Variants in REEP3 observed in about 807,000 individuals in gnomAD.
REEP3 encodes the protein receptor accessory protein 3.
REEP3 carries 20 observed loss-of-function variants against 41.3 expected under a neutral mutation model. That is an observed-to-expected ratio of 0.48 (90% confidence interval 0.34 to 0.70). REEP3 has a LOEUF of 0.70. Ranked by LOEUF, REEP3 falls within the 30% of genes least tolerant of loss-of-function variation. REEP3 has a pLI of 0.01. For missense variants in REEP3, 271 were observed against 308.8 expected, an observed-to-expected ratio of 0.88 and a Z score of 0.92; for synonymous variants, 104 against 101.8, an observed-to-expected ratio of 1.02 and a Z score of -0.13.
chr10:63,536,007 A>C (rs907438531), intron 1 of REEP3, among the ~76,000 whole-genome samples: 1 of 152,230 alleles, frequency 6.6e-6, no homozygotes. Context: ...CCTACCATGT[A>C]TCTGATGCTC....
intron 1 of REEP3, among the ~76,000 whole-genome samples, chr10:63,524,921 A>G (rs1006228325): frequency 6.6e-6 from 1 of 152,000 alleles, no homozygotes; most frequent in Non-Finnish European, 1.5e-5. Flanking sequence ...CTGAGGCACT[A>G]GAATCACTTG....
At chr10:63,548,696 A>C (rs1336188309) in intron 1 of REEP3, among the ~76,000 whole-genome samples, 4 of 152,200 alleles carry the variant, frequency 2.6e-5, no homozygotes, top group African/African-American at 4.8e-5. Flanking sequence ...CAAAATGAAC[A>C]AAAATGTAAC....
chr10:63,541,395 T>C (rs1033666974), intron 1 of REEP3, among the ~76,000 whole-genome samples: 14 of 152,216 alleles, frequency 9.2e-5, no homozygotes, highest in East Asian at 3.8e-4. Context: ...AGATTTTCCA[T>C]AGAACCCTAG....
intron 7 of REEP3, 147 bp from the exon 8 acceptor site, chr10:63,620,666 T>C: frequency 4.1e-6 from 2 of 485,742 alleles, no homozygotes; most frequent in South Asian, 3.7e-5. Context: ...AGTTTATAAG[T>C]AGTGCTGTCT....
At chr10:63,569,534 A>G (rs1387962206) in intron 2 of REEP3, among the ~76,000 whole-genome samples, 2 of 152,100 alleles carry the variant, frequency 1.3e-5, no homozygotes, top group East Asian at 1.9e-4. Flanking sequence ...TTAGATGAGA[A>G]GCTCTAATAA....
chr10:63,521,989 G>C (rs1348606147), intron 1 of REEP3: 2 of 151,856 alleles, frequency 1.3e-5, no homozygotes, highest in African/African-American at 4.8e-5. Flanking sequence ...TCCCTGCGCA[G>C]GCTCCGCAGA....
intron 1 of REEP3, among the ~76,000 whole-genome samples, chr10:63,524,050 A>G (rs1044120752): frequency 2.6e-5 from 4 of 152,200 alleles, no homozygotes; most frequent in Non-Finnish European, 1.5e-5. Flanking sequence ...AGAAAATGTC[A>G]TGAAAAGAAA....
intron 2 of REEP3, among the ~76,000 whole-genome samples, chr10:63,575,963 C>T (rs936754510): frequency 2.0e-5 from 3 of 152,292 alleles, no homozygotes; most frequent in African/African-American, 4.8e-5. Context: ...GAACTACCGA[C>T]CTCAGGTGAT....
At chr10:63,554,193 G>A (rs1325431537) in intron 1 of REEP3, among the ~76,000 whole-genome samples, 2 of 151,982 alleles carry the variant, frequency 1.3e-5, no homozygotes, top group African/African-American at 4.8e-5. Flanking sequence ...TACACATCCT[G>A]TGCTTAAGGG....
At chr10:63,573,650 T>C (rs772818557) in intron 2 of REEP3, among the ~76,000 whole-genome samples, 1 of 152,216 alleles carries the variant, frequency 6.6e-6, no homozygotes, top group African/African-American at 2.4e-5. Context: ...AATTTTCGAC[T>C]GACTATTTAG....
At chr10:63,571,841 T>C (rs1030022384) in intron 2 of REEP3, among the ~76,000 whole-genome samples, 1 of 152,156 alleles carries the variant, frequency 6.6e-6, no homozygotes, top group African/African-American at 2.4e-5. Flanking sequence ...GTCACATGGA[T>C]TGTAAAGACA....
rs1956296980 is a variant in REEP3, at chr10:63,614,272, T to C, written c.565+3938T>C. ...TGCTCTGTGTTGGGAACTGTTTCAG[T>C]TATCTAGTTATCTATTGCTGCATAA... On this transcript the variant is annotated intron_variant, in intron 6 of 7. Coordinates refer to ENST00000373758, the MANE Select transcript of REEP3 (RefSeq NM_001001330.3). 3.3e-5 allele frequency among the ~76,000 whole-genome samples: 5 copies of C among 152,314 alleles called. No individual in the cohort carries two copies. In the South Asian group the frequency reaches 1.0e-3, roughly 32 times the overall value.
At chr10:63,538,605 G>A (rs1189802402) in intron 1 of REEP3, among the ~76,000 whole-genome samples, 1 of 152,058 alleles carries the variant, frequency 6.6e-6, no homozygotes, top group Non-Finnish European at 1.5e-5. Context: ...GTGGTGGCAC[G>A]TGCCTGTAAT....
At chr10:63,533,738 C>T (rs7899862) in intron 1 of REEP3, among the ~76,000 whole-genome samples, 134,819 of 136,934 alleles carry the variant, frequency 0.98, 66,406 homozygotes, top group Middle Eastern at 1. Context: ...GACGGAGTCT[C>T]GCTCTGTCTC....
chr10:63,596,931 C>T (rs1214041235), intron 3 of REEP3, among the ~76,000 whole-genome samples: 1 of 152,182 alleles, frequency 6.6e-6, no homozygotes, highest in East Asian at 1.9e-4. Flanking sequence ...GCGTGAGCAC[C>T]TCACCTGGCA....
chr10:63,554,129 A>G (rs1327127760), intron 1 of REEP3, among the ~76,000 whole-genome samples: 1 of 152,044 alleles, frequency 6.6e-6, no homozygotes, highest in East Asian at 1.9e-4. Flanking sequence ...TTAGATTGCA[A>G]TTGAACTTTC....
rs1589863143 is a variant in REEP3 at position 63,550,098 on chromosome 10, T to C, written c.33-16240T>C. 2.0e-5 allele frequency among the ~76,000 whole-genome samples: 3 copies of C among 152,284 alleles called. No individual in the cohort carries two copies. In the South Asian group the frequency reaches 6.2e-4, roughly 32 times the overall value. ...TTGGGAAGCTGTTCAGTAAATCCGATGAGATGGCGTGAGCCCAAATGTGTT... is the reference window on the plus strand; with the variant it reads ...TTGGGAAGCTGTTCAGTAAATCCGACGAGATGGCGTGAGCCCAAATGTGTT... On this transcript the variant is annotated intron_variant, in intron 1 of 7. Transcript: ENST00000373758.
chr10:63,607,785 G>A (rs1956241998), intron 5 of REEP3, among the ~76,000 whole-genome samples: 1 of 152,180 alleles, frequency 6.6e-6, no homozygotes, highest in South Asian at 2.1e-4. Flanking sequence ...AACAATAGAA[G>A]TAACAGTAGT....
rs1203198586 is a variant in REEP3, at chr10:63,621,913, AT to A, written c.*1047del. The stretch of plus-strand genomic sequence containing the variant: ...TTATAAACTGGCATTGACGAAAATC[AT>A]TTGAATCTCTTCTGGCTGAGATAAT... On this transcript the variant is annotated 3_prime_UTR_variant, in exon 8 of 8. Transcript: ENST00000373758. 1 of 152,234 alleles carries A rather than the reference AT, an allele frequency of 6.6e-6. No individual in the cohort carries two copies. The highest frequency in any genetic ancestry group is 1.5e-5 in the Non-Finnish European group (1 of 68,026). 9.4% of individuals were successfully genotyped at this position (152,234 alleles called of 1,614,324 possible).
Sources: allele counts gnomAD v4.1 joint callset (sites outside exome capture counted in the v4.1 genomes callset), GRCh38; gene constraint gnomAD v4.1.1; transcripts MANE v1.5; gene names NCBI Gene and HGNC (gene_info 2026-07-23, HGNC 2026-07-21).